The following PRKCH variants were observed in gnomAD, a reference collection of about 807,000 sequenced individuals.
The protein encoded by PRKCH is protein kinase C eta.
Under a neutral mutation model 82.5 loss-of-function variants are expected in PRKCH, and 28 were observed. That is an observed-to-expected ratio of 0.34 (90% CI 0.25 to 0.47). The LOEUF is 0.47. Among genes scored for constraint, PRKCH ranks in the 20% least tolerant of loss-of-function variants. The probability of loss-of-function intolerance (pLI) is 1.00; values close to 1 mark genes in which losing one functional copy is unlikely to be tolerated. For synonymous variants in PRKCH, 322 were observed against 327.4 expected (o/e 0.98, Z 0.18); for missense variants, 705 against 881.8 (o/e 0.80, Z 2.54).
chr14:61,521,711 C>A (rs569256247), intron 10 of PRKCH, among the ~76,000 whole-genome samples: 1 of 152,068 alleles, frequency 6.6e-6, no homozygotes, highest in African/African-American at 2.4e-5. Flanking sequence ...GGGATTCAGG[C>A]GTAAGCCACT....
chr14:61,238,784 T>C (rs1175637024), intron 1 of PRKCH, among the ~76,000 whole-genome samples: 1 of 152,198 alleles, frequency 6.6e-6, no homozygotes, highest in Non-Finnish European at 1.5e-5. Context: ...AATCTAACGT[T>C]TTCATTAGCA....
At chr14:61,471,245 C>T (rs191680227) in intron 9 of PRKCH, among the ~76,000 whole-genome samples, 1 of 78,156 alleles carries the variant, frequency 1.3e-5, no homozygotes, top group East Asian at 4.6e-4. Context: ...AGGAGGTACA[C>T]CTGATAGGAC....
intron 2 of PRKCH, among the ~76,000 whole-genome samples, chr14:61,425,860 G>A (rs1041571767): frequency 7.2e-5 from 11 of 152,132 alleles, no homozygotes; most frequent in East Asian, 1.9e-4. Flanking sequence ...GGGTGGTTTC[G>A]TCCATGCTGT....
At chr14:61,479,323 T>A (rs2140321795) in intron 9 of PRKCH, among the ~76,000 whole-genome samples, 1 of 152,318 alleles carries the variant, frequency 6.6e-6, no homozygotes, top group Non-Finnish European at 1.5e-5. Flanking sequence ...AGTTTCAGTT[T>A]TCTGGAAAAG....
intron 1 of PRKCH, among the ~76,000 whole-genome samples, chr14:61,254,832 A>C (rs77983335): frequency 0.043 from 6,548 of 152,292 alleles, 218 homozygotes; most frequent in Middle Eastern, 0.079. Context: ...TCTCTTTTCT[A>C]GGGAGAATCC....
At chr14:61,365,980 G>A (rs905777977) in intron 1 of PRKCH, among the ~76,000 whole-genome samples, 5 of 152,078 alleles carry the variant, frequency 3.3e-5, no homozygotes, top group Non-Finnish European at 2.9e-5. Flanking sequence ...AAAGGCTTAT[G>A]TAGAGGAACT....
At chr14:61,411,571 T>G (rs960005548) in intron 2 of PRKCH, among the ~76,000 whole-genome samples, 1 of 152,174 alleles carries the variant, frequency 6.6e-6, no homozygotes, top group Non-Finnish European at 1.5e-5. Flanking sequence ...TCCTGAGAGA[T>G]AGGAAACAAA....
intron 1 of PRKCH, among the ~76,000 whole-genome samples, chr14:61,189,464 A>G (rs1360074334): frequency 6.6e-6 from 1 of 151,894 alleles, no homozygotes; most frequent in Non-Finnish European, 1.5e-5. Context: ...CTGCCTTGAG[A>G]TGCTTCCTTT....
At chr14:61,435,682 T>A (rs1883642067) in intron 2 of PRKCH, among the ~76,000 whole-genome samples, 1 of 148,704 alleles carries the variant, frequency 6.7e-6, no homozygotes, top group Admixed American at 6.8e-5. Flanking sequence ...CATCTCAATA[T>A]CAACAAACCT....
At chr14:61,295,840 C>T (rs200319839) in intron 1 of PRKCH, among the ~76,000 whole-genome samples, 2 of 151,952 alleles carry the variant, frequency 1.3e-5, no homozygotes, top group African/African-American at 2.4e-5. Flanking sequence ...TGATAACCCC[C>T]GATAAATAAC....
At chr14:61,414,154 T>G (rs67221159) in intron 2 of PRKCH, among the ~76,000 whole-genome samples, 13,751 of 152,186 alleles carry the variant, frequency 0.09, 673 homozygotes, top group Non-Finnish European at 0.098. Context: ...CAGTCTGGGA[T>G]TTCACTCTGC....
chr14:61,339,358 CTG>C (rs1463553929), intron 1 of PRKCH, among the ~76,000 whole-genome samples: 3 of 150,456 alleles, frequency 2.0e-5, no homozygotes, highest in African/African-American at 7.3e-5. Flanking sequence ...GAGTCTCACT[CTG>C]TCGCCCAGGC....
At chr14:61,536,214 GT>G (rs2140017435) in intron 12 of PRKCH, among the ~76,000 whole-genome samples, 1 of 152,284 alleles carries the variant, frequency 6.6e-6, no homozygotes, top group South Asian at 2.1e-4. Context: ...TTAACCAGTG[GT>G]TTTAGCACAA....
chr14:61,393,325 A>G (rs908037037), intron 2 of PRKCH, among the ~76,000 whole-genome samples: 9 of 152,190 alleles, frequency 5.9e-5, no homozygotes, highest in Non-Finnish European at 1.3e-4. Context: ...TTTTGAATTG[A>G]AATTGTGTTG....
At chr14:61,240,488 G>A (rs567040461) in intron 1 of PRKCH, among the ~76,000 whole-genome samples, 15 of 152,212 alleles carry the variant, frequency 9.9e-5, no homozygotes, top group South Asian at 8.3e-4. Flanking sequence ...CCTGCCACAC[G>A]TGGTGACAAG....
At position 61,541,935 on chromosome 14, in the gene PRKCH, A is replaced by G. The variant is rs551417214; in HGVS notation, c.1762-5808A>G. 3.9e-5 allele frequency among the ~76,000 whole-genome samples: 6 copies of G among 152,326 alleles called. No individual in the cohort carries two copies. The South Asian group carries it at 1.2e-3, about 32-fold the overall frequency. ...GCAAAGAAGCTGCTCCACTGCACCCATCTTGCTGCATTTAGTTTCTCTGTC... is the reference window on the plus strand; with the variant it reads ...GCAAAGAAGCTGCTCCACTGCACCCGTCTTGCTGCATTTAGTTTCTCTGTC... On this transcript the variant is annotated intron_variant, in intron 12 of 13. Coordinates refer to ENST00000332981, the MANE Select transcript of PRKCH (RefSeq NM_006255.5).
chr14:61,529,912 AAAT>A (rs1301509617), intron 11 of PRKCH, among the ~76,000 whole-genome samples: 9 of 146,086 alleles, frequency 6.2e-5, no homozygotes, highest in East Asian at 1.9e-4. Context: ...TAATAAAAAA[AAAT>A]ATATATATAT....
chr14:61,530,538 T>C lies in PRKCH; in HGVS notation c.1704T>C (p.Asn568=). ...NEDDLFEAIL[N]DEVVYPTWLH... ...ATGACCTCTTTGAGGCCATACTGAA[T>C]GATGAGGTGGTCTACCCTACCTGGC... Residue 568 remains asparagine (N), a synonymous_variant, in exon 12 of 14, where the codon AAT becomes AAC. Transcript: ENST00000332981. 3 of 1,611,312 alleles carry C rather than the reference T, an allele frequency of 1.9e-6. No individual in the cohort carries two copies. Among genetic ancestry groups the C allele is most frequent in the East Asian group, 2.2e-5 (1 of 44,858 alleles).
chr14:61,326,985 A>C, intron 1 of PRKCH: 1 of 447,136 alleles, frequency 2.2e-6, no homozygotes, highest in Non-Finnish European at 4.5e-6. Flanking sequence ...ACCAGCATCT[A>C]ATGCTTAATG....
Sources: allele counts gnomAD v4.1 joint callset (sites outside exome capture counted in the v4.1 genomes callset), GRCh38; gene constraint gnomAD v4.1.1; transcripts MANE v1.5; gene names NCBI Gene and HGNC (gene_info 2026-07-23, HGNC 2026-07-21).